Variants in SYT1 observed in about 807,000 individuals in gnomAD.
SYT1 encodes the protein synaptotagmin-1.
A neutral mutation model predicts 44.8 loss-of-function variants in SYT1; 8 were observed. The observed-to-expected ratio is 0.18, with a 90% CI of 0.10 to 0.32. The LOEUF (loss-of-function observed/expected upper bound fraction) is 0.32. SYT1 is among the 10% of genes least tolerant of loss of function. SYT1 has a pLI of 1.00. For synonymous variants in SYT1, 154 were observed against 188.8 expected (o/e 0.82, Z 1.51); for missense variants, 286 against 509.3 (o/e 0.56, Z 4.22).
At chr12:78,871,809 T>A (rs961327403) in intron 1 of SYT1, among the ~76,000 whole-genome samples, 1 of 151,962 alleles carries the variant, frequency 6.6e-6, no homozygotes, top group South Asian at 2.1e-4. Context: ...TCATCAGATT[T>A]GAAGACTGAA....
chr12:79,210,283 A>G (rs2138531416), intron 3 of SYT1, among the ~76,000 whole-genome samples: 1 of 151,832 alleles, frequency 6.6e-6, no homozygotes, highest in South Asian at 2.1e-4. Context: ...TTATTGGTGT[A>G]CAGGTGGTAT....
chr12:79,341,170 A>C (rs1174699048), intron 8 of SYT1: 2 of 152,204 alleles, frequency 1.3e-5, no homozygotes, highest in Admixed American at 6.5e-5. Context: ...ACAGATTTTT[A>C]AGTGGATCAC....
chr12:79,377,256 C>G (rs1884034815), intron 9 of SYT1, among the ~76,000 whole-genome samples: 1 of 152,188 alleles, frequency 6.6e-6, no homozygotes, highest in African/African-American at 2.4e-5. Flanking sequence ...GGACTGCAGG[C>G]TACCGCCACC....
intron 9 of SYT1, among the ~76,000 whole-genome samples, chr12:79,362,858 A>G (rs1883371834): frequency 6.6e-6 from 1 of 152,352 alleles, no homozygotes; most frequent in South Asian, 2.1e-4. Flanking sequence ...AATTTTCTTT[A>G]CTACTTTACA....
chr12:79,060,489 C>G (rs968215308), intron 3 of SYT1, among the ~76,000 whole-genome samples: 2 of 152,008 alleles, frequency 1.3e-5, no homozygotes, highest in African/African-American at 4.8e-5. Context: ...TTCCCCCTCC[C>G]TGCAGCCCCT....
chr12:78,924,668 A>G (rs1281309323), intron 1 of SYT1, among the ~76,000 whole-genome samples: 1 of 148,106 alleles, frequency 6.8e-6, no homozygotes, highest in Non-Finnish European at 1.5e-5. Flanking sequence ...ATATTTGTAT[A>G]TATTTCTTTA....
rs145074488 is a variant in SYT1, at chr12:79,064,940, G to A, written c.-18+17578G>A. ...AAAAAAATAGAGAGAAAGAAAGAAAGAAAGAAAGAAAGAAAGAAAGAAAGA... is the reference window on the plus strand; with the variant it reads ...AAAAAAATAGAGAGAAAGAAAGAAAAAAAGAAAGAAAGAAAGAAAGAAAGA... On this transcript the variant is annotated intron_variant, in intron 3 of 10. Coordinates refer to ENST00000261205, the MANE Select transcript of SYT1 (RefSeq NM_005639.3). 7.1e-4 allele frequency among the ~76,000 whole-genome samples: 85 copies of A among 119,900 alleles called. 1 individual carries two copies. In the East Asian group the frequency reaches 0.02, roughly 28 times the overall value. The allele number at this position is 119,900 out of a possible 152,430, so 78.7% of individuals were successfully genotyped here.
intron 9 of SYT1, among the ~76,000 whole-genome samples, chr12:79,414,461 A>G (rs1159078021): frequency 6.6e-6 from 1 of 152,142 alleles, no homozygotes; most frequent in Admixed American, 6.6e-5. Flanking sequence ...TCCCAGGAGA[A>G]TTGCAGCTAC....
intron 1 of SYT1, among the ~76,000 whole-genome samples, chr12:78,876,036 C>A (rs1433794846): frequency 1.3e-5 from 2 of 151,616 alleles, no homozygotes; most frequent in African/African-American, 4.8e-5. Context: ...TTATCACATT[C>A]ATGACACTTG....
intron 9 of SYT1, among the ~76,000 whole-genome samples, chr12:79,407,760 C>T (rs1182348934): frequency 2.0e-5 from 3 of 152,080 alleles, no homozygotes; most frequent in Non-Finnish European, 4.4e-5. Context: ...TTTTGCAACT[C>T]TCTTACGCAC....
intron 1 of SYT1, among the ~76,000 whole-genome samples, chr12:78,923,732 T>G (rs1877142697): frequency 6.7e-6 from 1 of 149,988 alleles, no homozygotes; most frequent in African/African-American, 2.4e-5. Flanking sequence ...TATGTGTGTG[T>G]GTACACTTTA....
intron 3 of SYT1, among the ~76,000 whole-genome samples, chr12:79,205,826 T>C (rs1874087856): frequency 6.6e-6 from 1 of 152,200 alleles, no homozygotes; most frequent in East Asian, 1.9e-4. Context: ...TTGACTACAA[T>C]TGCTAAATAT....
intron 4 of SYT1, 47 bp from the exon 5 acceptor site, chr12:79,285,740 C>T (rs1879277371): frequency 7.0e-7 from 1 of 1,433,002 alleles, no homozygotes; most frequent in Non-Finnish European, 9.5e-7. Context: ...AAAGGTTTTC[C>T]ACATCTAAGT....
intron 4 of SYT1, among the ~76,000 whole-genome samples, chr12:79,218,040 G>T (rs913573291): frequency 1.3e-5 from 2 of 151,998 alleles, no homozygotes; most frequent in African/African-American, 4.8e-5. Flanking sequence ...TCATTGCAAA[G>T]ATTGTTTCTG....
At chr12:79,403,305 T>A (rs571817778) in intron 9 of SYT1, among the ~76,000 whole-genome samples, 1 of 152,120 alleles carries the variant, frequency 6.6e-6, no homozygotes, top group Admixed American at 6.5e-5. Context: ...AGAGGCTTTA[T>A]CTTAAGGAAC....
At chr12:79,019,881 A>ATT (rs72452323) in intron 2 of SYT1, among the ~76,000 whole-genome samples, 2 of 151,432 alleles carry the variant, frequency 1.3e-5, no homozygotes, top group African/African-American at 4.9e-5. Flanking sequence ...GCAAAAATAC[A>ATT]TTTTTTTTCC....
chr12:78,925,097 C>T (rs1877231400), intron 1 of SYT1, among the ~76,000 whole-genome samples: 1 of 151,670 alleles, frequency 6.6e-6, no homozygotes, highest in African/African-American at 2.4e-5. Context: ...TATTTTTATG[C>T]CTATCTATGT....
chr12:79,400,061 T>A (rs1565942463), intron 9 of SYT1, among the ~76,000 whole-genome samples: 3 of 152,242 alleles, frequency 2.0e-5, no homozygotes, highest in Non-Finnish European at 1.5e-5. Context: ...AAAGCCAAGA[T>A]GACTGGAATA....
intron 2 of SYT1, among the ~76,000 whole-genome samples, chr12:79,005,185 G>A (rs1376442300): frequency 1.3e-5 from 2 of 151,940 alleles, no homozygotes; most frequent in Non-Finnish European, 2.9e-5. Context: ...TCCAACATGT[G>A]TTATAGGCCA....
Sources: allele counts gnomAD v4.1 joint callset (sites outside exome capture counted in the v4.1 genomes callset), GRCh38; gene constraint gnomAD v4.1.1; transcripts MANE v1.5; gene names NCBI Gene and HGNC (gene_info 2026-07-23, HGNC 2026-07-21).